MAP2: variants seen among roughly 807,000 people sequenced by gnomAD.
MAP2 encodes the protein microtubule-associated protein 2.
A neutral mutation model predicts 137.6 loss-of-function variants in MAP2; 14 were observed. The ratio of observed to expected loss-of-function variants is 0.10; its 90% CI spans 0.07 to 0.16. MAP2 has a LOEUF of 0.16. Ranked by LOEUF, MAP2 falls within the 10% of genes least tolerant of loss-of-function variation. MAP2 has a pLI of 1.00. For missense variants in MAP2, 2,088 were observed against 2,191.5 expected (o/e 0.95, Z 0.94); for synonymous variants, 786 against 782.3 (o/e 1.00, Z -0.08).
chr2:209,452,036 A>G (rs1439256731), intron 1 of MAP2, among the ~76,000 whole-genome samples: 1 of 152,160 alleles, frequency 6.6e-6, no homozygotes, highest in Non-Finnish European at 1.5e-5. Flanking sequence ...TGTTAATGCA[A>G]TTTTAGAAAG....
At chr2:209,618,990 G>A (rs1315729788) in intron 3 of MAP2, among the ~76,000 whole-genome samples, 2 of 152,092 alleles carry the variant, frequency 1.3e-5, no homozygotes, top group Non-Finnish European at 2.9e-5. Context: ...TAAACCTGGA[G>A]GACATTATGT....
At chr2:209,445,976 G>A (rs1443011151) in intron 1 of MAP2, among the ~76,000 whole-genome samples, 2 of 151,556 alleles carry the variant, frequency 1.3e-5, no homozygotes, top group Admixed American at 6.6e-5. Context: ...AAAAATCAAT[G>A]ATCCATCACA....
intron 1 of MAP2, among the ~76,000 whole-genome samples, chr2:209,442,032 A>G (rs1297848284): frequency 6.6e-6 from 1 of 151,576 alleles, no homozygotes; most frequent in Non-Finnish European, 1.5e-5. Context: ...TAATTATTGG[A>G]CAAACACCCA....
chr2:209,674,935 T>C lies in MAP2; in HGVS notation c.263-3637T>C, dbSNP rs569553208. ...CAATGAGAGAAGCCCATCTCTTCCT[T>C]CCTTAAGAATGCTTCTGTCTCTGCT... On this transcript the variant is annotated intron_variant, in intron 5 of 15. Coordinates refer to ENST00000682079, the MANE Select transcript of MAP2 (RefSeq NM_001375505.1). Among the ~76,000 whole-genome samples, 33 of 151,900 alleles carry C rather than the reference T, an allele frequency of 2.2e-4. No homozygotes were observed. In the Middle Eastern group the frequency reaches 0.014, roughly 63 times the overall value.
chr2:209,434,876 ATATATATGT>A (rs368135425), intron 1 of MAP2, among the ~76,000 whole-genome samples: 33,871 of 91,618 alleles, frequency 0.37, 5,829 homozygotes, highest in South Asian at 0.44. Context: ...TATATATGTT[ATATATATGT>A]TATATATATG....
In MAP2 at chr2:209,447,880, A is replaced by G. The variant is rs530605870; in HGVS notation, c.-222+23604A>G. Among the ~76,000 whole-genome samples, 13 of 152,260 alleles carry G rather than the reference A, an allele frequency of 8.5e-5. No individual in the cohort carries two copies. The South Asian group carries it at 2.3e-3, about 27-fold the overall frequency. On this transcript the variant is annotated intron_variant, in intron 1 of 15. Coordinates refer to ENST00000682079, the MANE Select transcript of MAP2 (RefSeq NM_001375505.1). ...CAGTAGAGGGCTCACCAGCTCTATT[A>G]TAAGTGGTTAACTCATAACTTAAAA...
chr2:209,529,195 G>C (rs1270560646), intron 2 of MAP2, among the ~76,000 whole-genome samples: 1 of 152,014 alleles, frequency 6.6e-6, no homozygotes, highest in East Asian at 1.9e-4. Context: ...GTGGTGGAGA[G>C]GACACTAAAG....
At chr2:209,623,658 C>G (rs2091726628) in intron 3 of MAP2, among the ~76,000 whole-genome samples, 1 of 151,906 alleles carries the variant, frequency 6.6e-6, no homozygotes, top group South Asian at 2.1e-4. Context: ...CAAAATTGTC[C>G]TTAAAAATTC....
At chr2:209,431,276 CAT>C (rs1366068558) in intron 1 of MAP2, among the ~76,000 whole-genome samples, 5 of 152,006 alleles carry the variant, frequency 3.3e-5, no homozygotes, top group African/African-American at 1.2e-4. Flanking sequence ...TTATTCCTAA[CAT>C]ATTTATGATT....
intron 2 of MAP2, among the ~76,000 whole-genome samples, chr2:209,567,358 A>G (rs1237798189): frequency 1.3e-5 from 2 of 152,132 alleles, no homozygotes; most frequent in African/African-American, 4.8e-5. Context: ...TTCCTTGACT[A>G]TGTTCCCCAT....
chr2:209,554,154 C>T (rs557090709), intron 2 of MAP2, among the ~76,000 whole-genome samples: 1 of 152,318 alleles, frequency 6.6e-6, no homozygotes, highest in African/African-American at 2.4e-5. Context: ...CTTTGACTCT[C>T]ATCTTAATAC....
intron 1 of MAP2, among the ~76,000 whole-genome samples, chr2:209,427,202 G>C (rs1276155011): frequency 5.3e-5 from 8 of 152,062 alleles, no homozygotes. Flanking sequence ...AACAGATTAA[G>C]ATAAAGAATC....
At chr2:209,571,854 A>G (rs903440457) in intron 2 of MAP2, among the ~76,000 whole-genome samples, 5 of 152,012 alleles carry the variant, frequency 3.3e-5, no homozygotes, top group Non-Finnish European at 7.4e-5. Flanking sequence ...AATGCTGACA[A>G]TAAGAATAAC....
intron 13 of MAP2, among the ~76,000 whole-genome samples, chr2:209,712,385 C>T (rs990714004): frequency 2.0e-5 from 3 of 151,944 alleles, no homozygotes; most frequent in African/African-American, 7.3e-5. Flanking sequence ...GCTTCAAAAT[C>T]ACAGTGTCAT....
At chr2:209,669,458 T>C (rs1034236182) in intron 5 of MAP2, among the ~76,000 whole-genome samples, 1 of 152,086 alleles carries the variant, frequency 6.6e-6, no homozygotes, top group Non-Finnish European at 1.5e-5. Flanking sequence ...ACCATTTTAT[T>C]GTAACAAATA....
At chr2:209,620,719 CA>C (rs1440678963) in intron 3 of MAP2, among the ~76,000 whole-genome samples, 1 of 152,172 alleles carries the variant, frequency 6.6e-6, no homozygotes, top group African/African-American at 2.4e-5. Context: ...CTGTTTTGGA[CA>C]TTCAGTCTTC....
intron 7 of MAP2, among the ~76,000 whole-genome samples, chr2:209,685,466 C>G (rs2056672980): frequency 6.6e-6 from 1 of 152,096 alleles, no homozygotes; most frequent in African/African-American, 2.4e-5. Context: ...TCCCTGGTCC[C>G]CATAAAGCAT....
At chr2:209,677,722 TG>T (rs2052583948) in intron 5 of MAP2, among the ~76,000 whole-genome samples, 1 of 152,000 alleles carries the variant, frequency 6.6e-6, no homozygotes, top group Non-Finnish European at 1.5e-5. Context: ...ACTAGTTATT[TG>T]GTATCTCACA....
At chr2:209,510,200 A>G (rs1377880314) in intron 2 of MAP2, among the ~76,000 whole-genome samples, 1 of 151,732 alleles carries the variant, frequency 6.6e-6, no homozygotes. Context: ...ATTTTGGTAT[A>G]TTTTCCTCCA....
Sources: allele counts gnomAD v4.1 joint callset (sites outside exome capture counted in the v4.1 genomes callset), GRCh38; gene constraint gnomAD v4.1.1; transcripts MANE v1.5; gene names NCBI Gene and HGNC (gene_info 2026-07-23, HGNC 2026-07-21).